DNAJB9: variants seen among roughly 807,000 people sequenced by gnomAD.
DNAJB9 encodes DnaJ heat shock protein family (Hsp40) member B9, also known as dnaJ homolog subfamily B member 9.
Under a neutral mutation model 19.2 loss-of-function variants are expected in DNAJB9, and 12 were observed. The observed-to-expected ratio is 0.62, with a 90% confidence interval of 0.40 to 1.01. The LOEUF is 1.01. Among genes scored for constraint, DNAJB9 ranks in the 50% least tolerant of loss-of-function variants. The pLI, the probability that DNAJB9 is intolerant of heterozygous loss-of-function variation, is 0.00. For missense variants in DNAJB9, 272 were observed against 261.1 expected, an observed-to-expected ratio of 1.04 and a Z score of -0.29; for synonymous variants, 83 against 84.0, an observed-to-expected ratio of 0.99 and a Z score of 0.07.
Position 108,573,476 on chromosome 7 carries a change from T to A in DNAJB9, c.*123T>A. ...TTCACTTTAAACAATTTGATATAGC[T>A]ATTAAATATATTTAAGGGTTTTTTT... On this transcript the variant is annotated 3_prime_UTR_variant, in exon 3 of 3. Transcript: ENST00000249356. The A allele has an allele frequency of 1.6e-6, 1 of 617,770 alleles. No homozygotes were observed. Among genetic ancestry groups the A allele is most frequent in the Non-Finnish European group, 2.4e-6 (1 of 413,694 alleles). 38.3% of individuals were successfully genotyped at this position (617,770 alleles called of 1,614,324 possible).
chr7:108,570,254 G>A lies in DNAJB9; in HGVS notation c.-11+151G>A, dbSNP rs143049818. 1.4e-3 allele frequency among the ~76,000 whole-genome samples: 208 copies of A among 152,286 alleles called. 2 individuals carry two copies. The highest frequency in any genetic ancestry group is 9.3e-3 in the East Asian group (48 of 5,178). ...TTTTTGGCCGAGAGAATGGAAGAAC[G>A]GAGACAGCCGCATCACAGAATCGTG... On this transcript the variant is annotated intron_variant, in intron 1 of 2. Coordinates refer to ENST00000249356, the MANE Select transcript of DNAJB9 (RefSeq NM_012328.3).
intron 1 of DNAJB9, 34 bp from the exon 2 acceptor site, chr7:108,571,683 C>T (rs1414043377): frequency 2.6e-6 from 4 of 1,549,834 alleles, no homozygotes; most frequent in Admixed American, 1.8e-5. Context: ...AGATTAGCTC[C>T]ATCCATAACA....
At chr7:108,570,843 G>A (rs1790608008) in intron 1 of DNAJB9, among the ~76,000 whole-genome samples, 1 of 152,084 alleles carries the variant, frequency 6.6e-6, no homozygotes, top group Admixed American at 6.6e-5. Flanking sequence ...GACTCTGGTG[G>A]TCCCGTATTC....
In DNAJB9 at chr7:108,573,097, A is replaced by G. The variant is rs1440312515; in HGVS notation, c.416A>G (p.Asn139Ser). The G allele has an allele frequency of 2.5e-6, 4 of 1,613,974 alleles. No individual in the cohort carries two copies. The highest frequency in any genetic ancestry group is 2.5e-6 in the Non-Finnish European group (3 of 1,179,974). Residue 139 changes from asparagine (N) to serine (S), a missense_variant, in exon 3 of 3, where the codon AAT becomes AGT. By Grantham distance (46) the Asn-to-Ser change is conservative. Transcript: ENST00000249356. ...QNTGSKKRFE[N>S]HFQTRQDGGS... is the part of the protein sequence containing the mutation. The stretch of plus-strand genomic sequence containing the variant: ...ACTGGATCCAAGAAGCGTTTTGAAA[A>G]TCATTTCCAGACACGCCAGGATGGT...
Position 108,572,948 on chromosome 7 carries a change from T to TG in DNAJB9, c.269dup (p.His91ThrfsTer6), listed in dbSNP as rs1179605233. ...ATAGACGAAAAGAGTATGATACACT[T>TG]GGACACAGTGCTTTTACTAGTGGTA... On this transcript the variant is annotated frameshift_variant, in exon 3 of 3. Coordinates refer to ENST00000249356, the MANE Select transcript of DNAJB9 (RefSeq NM_012328.3). LOFTEE classifies it high-confidence loss of function. 6.2e-7 allele frequency: 1 copy of TG among 1,613,912 alleles called. No individual in the cohort carries two copies. Among genetic ancestry groups the TG allele is most frequent in the Non-Finnish European group, 8.5e-7 (1 of 1,179,930 alleles).
At chr7:108,571,142 C>A (rs10270723) in intron 1 of DNAJB9, among the ~76,000 whole-genome samples, 70,496 of 151,940 alleles carry the variant, frequency 0.46, 17,257 homozygotes, top group East Asian at 0.6. Flanking sequence ...AGACAACATT[C>A]TATTGTATTG....
Sources: allele counts gnomAD v4.1 joint callset (sites outside exome capture counted in the v4.1 genomes callset), GRCh38; gene constraint gnomAD v4.1.1; transcripts MANE v1.5; gene names NCBI Gene and HGNC (gene_info 2026-07-23, HGNC 2026-07-21).